SEC63: variants seen among roughly 807,000 people sequenced by gnomAD.
SEC63 encodes the protein SEC63 protein translocation regulator, also known as translocation protein SEC63 homolog.
A neutral mutation model predicts 116.2 loss-of-function variants in SEC63; 56 were observed. The observed-to-expected ratio is 0.48, with a 90% CI of 0.39 to 0.60. SEC63 has a LOEUF of 0.60. Among genes scored for constraint, SEC63 ranks in the 20% least tolerant of loss-of-function variants. The pLI is 0.00. For missense variants in SEC63, 668 were observed against 900.0 expected (o/e 0.74, Z 3.30); for synonymous variants, 273 against 294.6 (o/e 0.93, Z 0.75).
chr6:107,947,520 C>A (rs1254253991), intron 1 of SEC63, among the ~76,000 whole-genome samples: 1 of 151,882 alleles, frequency 6.6e-6, no homozygotes, highest in Middle Eastern at 3.4e-3. Flanking sequence ...TGCAGTGGAG[C>A]AGTGATGGTG....
chr6:107,885,704 T>C (rs538402500), intron 16 of SEC63, among the ~76,000 whole-genome samples: 4 of 152,246 alleles, frequency 2.6e-5, no homozygotes, highest in Admixed American at 6.5e-5. Flanking sequence ...AAAATTTTGA[T>C]CAGTAAAATA....
At chr6:107,923,736 GC>G (rs1218906345) in intron 3 of SEC63, among the ~76,000 whole-genome samples, 1 of 139,600 alleles carries the variant, frequency 7.2e-6, no homozygotes, top group Non-Finnish European at 1.5e-5. Context: ...TCACTATGTT[GC>G]CCAAACTCCT....
rs1410250499 is a variant in SEC63, at chr6:107,905,153, T to C, written c.962-432A>G. Among the ~76,000 whole-genome samples the C allele has an allele frequency of 1.3e-5, 2 of 152,222 alleles. 1 individual carries two copies. The highest frequency in any genetic ancestry group is 2.9e-5 in the Non-Finnish European group (2 of 68,044). The stretch of plus-strand genomic sequence containing the variant: ...GAAAGACTCTTTCATTTATACTGCA[T>C]ATAATAGTTAACTATTAAGACCACA... On this transcript the variant is annotated intron_variant, in intron 10 of 20. Transcript: ENST00000369002.
At chr6:107,900,807 C>T (rs1326771955) in intron 13 of SEC63, among the ~76,000 whole-genome samples, 1 of 152,162 alleles carries the variant, frequency 6.6e-6, no homozygotes. Context: ...GTCTCTAATT[C>T]TCTCAGTATT....
chr6:107,883,839 T>A (rs1037331468), intron 16 of SEC63, among the ~76,000 whole-genome samples: 1 of 151,540 alleles, frequency 6.6e-6, no homozygotes, highest in African/African-American at 2.4e-5. Flanking sequence ...AAGTACTCCT[T>A]TGGAAGTACA....
intron 16 of SEC63, chr6:107,883,480 A>C (rs577637524): frequency 1.6e-4 from 41 of 248,890 alleles, no homozygotes; most frequent in African/African-American, 9.0e-4. Context: ...TTATTTAAGG[A>C]AACAGGTAGT....
In SEC63 at chr6:107,883,163, AAC is replaced by A; in HGVS notation, c.1675-19_1675-18del. The A allele has an allele frequency of 6.2e-7, 1 of 1,610,626 alleles. No homozygotes were observed. The highest frequency in any genetic ancestry group is 1.3e-5 in the African/African-American group (1 of 75,016). ...TGCAGCTTCCTAAAAGGGAAAGGCA[AAC>A]ACAAAGATTCTGCATATCTCAATGA... On this transcript the variant is annotated intron_variant, in intron 16 of 20. Transcript: ENST00000369002.
At chr6:107,946,386 T>C (rs1390051494) in intron 1 of SEC63, among the ~76,000 whole-genome samples, 2 of 151,858 alleles carry the variant, frequency 1.3e-5, no homozygotes, top group Admixed American at 6.6e-5. Flanking sequence ...GTATTTTTAG[T>C]AGAGACGGAG....
intron 1 of SEC63, among the ~76,000 whole-genome samples, chr6:107,952,264 C>T (rs192798175): frequency 1.8e-4 from 27 of 152,266 alleles, no homozygotes; most frequent in African/African-American, 6.0e-4. Flanking sequence ...GTTCAATTAA[C>T]ATGTCAAATA....
At chr6:107,923,711 G>A (rs9486748) in intron 3 of SEC63, among the ~76,000 whole-genome samples, 38 of 141,332 alleles carry the variant, frequency 2.7e-4, no homozygotes, top group Non-Finnish European at 3.5e-4. Flanking sequence ...TTTTTTTTTT[G>A]ATACAGCCTG....
rs757064361 is a variant in SEC63, at chr6:107,909,066, A to T, written c.625-31T>A. 19 of 1,481,830 alleles carry T rather than the reference A, an allele frequency of 1.3e-5. No individual in the cohort carries two copies. The African/African-American group carries it at 1.8e-4, about 14-fold the overall frequency. 91.8% of individuals were successfully genotyped at this position (1,481,830 alleles called of 1,614,324 possible). A position where few individuals can be genotyped will look rare whatever the true frequency, so the allele number is the denominator to read the frequency against. ...ACACAAAAAAAATTAAACAAGAAAG[A>T]AAGTATAAAAACTACGATAGGCTGG... is the stretch of plus-strand genomic sequence containing the variant. On this transcript the variant is annotated intron_variant, in intron 7 of 20. Transcript: ENST00000369002.
chr6:107,878,465 TTA>T (rs1381670623), intron 18 of SEC63, among the ~76,000 whole-genome samples: 1 of 152,184 alleles, frequency 6.6e-6, no homozygotes, highest in Non-Finnish European at 1.5e-5. Flanking sequence ...CAGCACAGGA[TTA>T]TGTTAAAGAT....
At position 107,883,479 on chromosome 6, in the gene SEC63, G is replaced by C. The variant is rs113708625; in HGVS notation, c.1675-333C>G. ...AAACATCAATCATATTTTATTTAAG[G>C]AAACAGGTAGTTTATAGAAAAGTAT... is the stretch of plus-strand genomic sequence containing the variant. On this transcript the variant is annotated intron_variant, in intron 16 of 20. Coordinates refer to ENST00000369002, the MANE Select transcript of SEC63 (RefSeq NM_007214.5). The C allele has an allele frequency of 2.9e-3, 712 of 247,550 alleles. 4 individuals carry two copies. The highest frequency in any genetic ancestry group is 0.014 in the African/African-American group (627 of 43,332). 15.3% of individuals were successfully genotyped at this position (247,550 alleles called of 1,614,324 possible).
chr6:107,952,543 A>G (rs947014934), intron 1 of SEC63, among the ~76,000 whole-genome samples: 1 of 152,188 alleles, frequency 6.6e-6, no homozygotes, highest in Non-Finnish European at 1.5e-5. Context: ...AGATCCCTTG[A>G]GGTCAGGAGT....
At chr6:107,899,457 T>C (rs1786946471) in intron 13 of SEC63, among the ~76,000 whole-genome samples, 1 of 152,204 alleles carries the variant, frequency 6.6e-6, no homozygotes, top group African/African-American at 2.4e-5. Context: ...GGCTCACGCC[T>C]ATAATCCCAG....
In SEC63 at chr6:107,871,573, C is replaced by T. The variant is rs1232139911; in HGVS notation, c.*131G>A. On this transcript the variant is annotated 3_prime_UTR_variant, in exon 21 of 21. Coordinates refer to ENST00000369002, the MANE Select transcript of SEC63 (RefSeq NM_007214.5). Reference sequence around the variant, plus strand: ...CGCCACTGCCTAGTTATATTATGCACCCATTTCAAGAGTAAAAAAACTACA... The same window carrying T: ...CGCCACTGCCTAGTTATATTATGCATCCATTTCAAGAGTAAAAAAACTACA... 1.2e-6 allele frequency: 1 copy of T among 815,594 alleles called. No homozygotes were observed. The highest frequency in any genetic ancestry group is 2.4e-5 in the East Asian group (1 of 41,306). 50.5% of individuals were successfully genotyped at this position (815,594 alleles called of 1,614,324 possible).
intron 1 of SEC63, among the ~76,000 whole-genome samples, chr6:107,937,781 T>C (rs897880900): frequency 1.3e-5 from 2 of 152,196 alleles, no homozygotes; most frequent in African/African-American, 4.8e-5. Context: ...TTTGCATTTA[T>C]CTGATTAGTG....
chr6:107,918,167 GAAC>G (rs1787458087), intron 4 of SEC63, among the ~76,000 whole-genome samples: 1 of 151,100 alleles, frequency 6.6e-6, no homozygotes, highest in South Asian at 2.1e-4. Context: ...TCTATAAATA[GAAC>G]AACAAATCCT....
At chr6:107,918,217 T>C (rs1489437413) in intron 4 of SEC63, among the ~76,000 whole-genome samples, 1 of 147,250 alleles carries the variant, frequency 6.8e-6, no homozygotes, top group Non-Finnish European at 1.5e-5. Context: ...GATTACTGAA[T>C]ATTTTAGGCC....
Sources: gnomAD v4.1 joint callset for allele counts (sites outside exome capture counted in the v4.1 genomes callset) on GRCh38, gnomAD v4.1.1 for gene constraint, MANE v1.5 for transcripts, NCBI Gene and HGNC (gene_info 2026-07-23, HGNC 2026-07-21) for gene names.